NFIA: variants seen among roughly 807,000 people sequenced by gnomAD.
NFIA encodes nuclear factor 1 A-type.
A neutral mutation model predicts 62.8 loss-of-function variants in NFIA; 8 were observed. The observed-to-expected ratio is 0.13, with a 90% confidence interval of 0.07 to 0.23. NFIA has a LOEUF of 0.23. Among genes scored for constraint, NFIA ranks in the 10% least tolerant of loss-of-function variants. The pLI is 1.00. For synonymous variants in NFIA, 235 were observed against 238.1 expected, an observed-to-expected ratio of 0.99 and a Z score of 0.12; for missense variants, 410 against 642.1, an observed-to-expected ratio of 0.64 and a Z score of 3.91.
chr1:61,252,600 C>A (rs1656115012), intron 2 of NFIA, among the ~76,000 whole-genome samples: 1 of 152,122 alleles, frequency 6.6e-6, no homozygotes, highest in Non-Finnish European at 1.5e-5. Context: ...TCTTTAAATT[C>A]TCCCACTACT....
At chr1:61,366,724 A>G (rs776573928) in intron 6 of NFIA, among the ~76,000 whole-genome samples, 3 of 152,136 alleles carry the variant, frequency 2.0e-5, no homozygotes, top group Non-Finnish European at 4.4e-5. Flanking sequence ...GGAGTTTGAG[A>G]CCTGCCTGGC....
chr1:61,143,616 T>TC (rs1241935049), intron 2 of NFIA, among the ~76,000 whole-genome samples: 2 of 152,092 alleles, frequency 1.3e-5, no homozygotes, highest in African/African-American at 4.8e-5. Flanking sequence ...GTCTAGAACT[T>TC]CTGGACTCAA....
chr1:61,220,466 A>T (rs998678194), intron 2 of NFIA, among the ~76,000 whole-genome samples: 2 of 152,220 alleles, frequency 1.3e-5, no homozygotes, highest in African/African-American at 4.8e-5. Context: ...TATTGTGGCA[A>T]TGCGGTATTT....
rs774710168 is a variant in NFIA, at chr1:61,417,372, C to T, written c.1421-9093C>T. Among the ~76,000 whole-genome samples the T allele has an allele frequency of 2.8e-5, 4 of 145,198 alleles. No homozygotes were observed. In the East Asian group the frequency reaches 8.0e-4, roughly 29 times the overall value. ...TTCACATTTTATGCCTTTTCGTACT[C>T]AAAAAAAAGTTAAGAAATAGGATTT... is the stretch of plus-strand genomic sequence containing the variant. On this transcript the variant is annotated intron_variant, in intron 9 of 10. Coordinates refer to ENST00000403491, the MANE Select transcript of NFIA (RefSeq NM_001134673.4).
chr1:61,315,691 A>G (rs1463209982), intron 3 of NFIA, among the ~76,000 whole-genome samples: 1 of 152,174 alleles, frequency 6.6e-6, no homozygotes, highest in East Asian at 1.9e-4. Context: ...ATTGGAATTC[A>G]TGGTTGGTTG....
rs186126544 is a variant in NFIA at position 61,136,801 on chromosome 1, T to G, written c.559+48121T>G. 5.5e-4 allele frequency among the ~76,000 whole-genome samples: 83 copies of G among 152,202 alleles called. No individual in the cohort carries two copies. The East Asian group carries it at 0.015, about 27-fold the overall frequency. Reference sequence around the variant, plus strand: ...AACTTCCCCTACTAGTTTTTTTGTTTGGGGGGGTTTTTTCGGTGCACATTA... The same window carrying G: ...AACTTCCCCTACTAGTTTTTTTGTTGGGGGGGGTTTTTTCGGTGCACATTA... On this transcript the variant is annotated intron_variant, in intron 2 of 10. Transcript: ENST00000403491.
intron 2 of NFIA, among the ~76,000 whole-genome samples, chr1:61,276,263 G>T (rs77809682): frequency 0.013 from 1,919 of 152,258 alleles, 46 homozygotes; most frequent in African/African-American, 0.044. Context: ...GTCTTTTAAA[G>T]TAATAAATTA....
At chr1:61,122,796 C>T (rs1432365195) in intron 2 of NFIA, among the ~76,000 whole-genome samples, 2 of 152,032 alleles carry the variant, frequency 1.3e-5, no homozygotes, top group South Asian at 2.1e-4. Context: ...TTCTGGAGTA[C>T]GTGTGAAGGA....
intron 6 of NFIA, among the ~76,000 whole-genome samples, chr1:61,371,082 A>G (rs1416585228): frequency 1.3e-5 from 2 of 152,182 alleles, no homozygotes; most frequent in African/African-American, 4.8e-5. Flanking sequence ...AGAATTTGCC[A>G]TCTGCCTTTC....
intron 10 of NFIA, among the ~76,000 whole-genome samples, chr1:61,455,066 A>G (rs1453111811): frequency 6.6e-6 from 1 of 152,206 alleles, no homozygotes. Flanking sequence ...CTCATTCTGT[A>G]AGATATACTC....
intron 2 of NFIA, among the ~76,000 whole-genome samples, chr1:61,227,490 T>C (rs530864339): frequency 1.1e-4 from 17 of 152,340 alleles, no homozygotes; most frequent in Admixed American, 3.3e-4. Flanking sequence ...AAAGGCGGTA[T>C]TCTTTCTTTC....
chr1:61,101,194 G>C (rs140113823), intron 2 of NFIA, among the ~76,000 whole-genome samples: 1 of 151,828 alleles, frequency 6.6e-6, no homozygotes, highest in Non-Finnish European at 1.5e-5. Context: ...TCGGGAGTTC[G>C]AGATCAGCCT....
At chr1:61,439,037 A>C (rs1031530527) in intron 10 of NFIA, among the ~76,000 whole-genome samples, 2 of 147,476 alleles carry the variant, frequency 1.4e-5, no homozygotes, top group African/African-American at 5.2e-5. Context: ...ACACACACAC[A>C]CACCTGCTAC....
intron 6 of NFIA, among the ~76,000 whole-genome samples, chr1:61,366,751 C>T (rs546620614): frequency 2.3e-4 from 35 of 152,138 alleles, no homozygotes; most frequent in African/African-American, 8.2e-4. Context: ...GGTGAGACCC[C>T]ATCTCTGCTA....
At chr1:61,240,162 G>A (rs1475701696) in intron 2 of NFIA, among the ~76,000 whole-genome samples, 1 of 152,052 alleles carries the variant, frequency 6.6e-6, no homozygotes, top group Non-Finnish European at 1.5e-5. Context: ...GAAGTAAAAT[G>A]TTTTCTTTGT....
intron 7 of NFIA, among the ~76,000 whole-genome samples, chr1:61,394,554 T>A (rs1166022625): frequency 6.6e-6 from 1 of 152,184 alleles, no homozygotes; most frequent in Non-Finnish European, 1.5e-5. Context: ...TTGCCCAGAT[T>A]AACACAGGGA....
At chr1:61,251,290 C>G (rs1228639197) in intron 2 of NFIA, 1 of 152,168 alleles carries the variant, frequency 6.6e-6, no homozygotes. Context: ...CACACCTTGT[C>G]GAAGTGGGAA....
At chr1:61,374,329 G>A (rs1424044893) in intron 6 of NFIA, among the ~76,000 whole-genome samples, 1 of 152,066 alleles carries the variant, frequency 6.6e-6, no homozygotes. Flanking sequence ...GAACACATGG[G>A]GGGATGGGAT....
chr1:61,309,550 T>C (rs1659983290), intron 3 of NFIA, among the ~76,000 whole-genome samples: 1 of 150,376 alleles, frequency 6.6e-6, no homozygotes, highest in Admixed American at 6.6e-5. Flanking sequence ...TGGCTCCAGG[T>C]TCTCATCAGT....
Sources: gnomAD v4.1 joint callset for allele counts (sites outside exome capture counted in the v4.1 genomes callset) on GRCh38, gnomAD v4.1.1 for gene constraint, MANE v1.5 for transcripts, NCBI Gene and HGNC (gene_info 2026-07-23, HGNC 2026-07-21) for gene names.